DRC11: variants seen among roughly 807,000 people sequenced by gnomAD.
DRC11 encodes the protein IQ and AAA domain-containing protein 1.
At chr2:236,460,516 T>C in the DRC11 span, among the ~76,000 whole-genome samples, 1 of 152,206 alleles carries the variant, frequency 6.6e-6, no homozygotes, top group Non-Finnish European at 1.5e-5. This position sits in a 1 kb window ranked among gnomAD's most constrained non-coding sequence, Gnocchi z 4.0. Context: ...TTGATGTTTC[T>C]AAAATCAGGG....
chr2:236,345,013 AGCCCTGGTTGT>A, the DRC11 span, among the ~76,000 whole-genome samples: 1 of 147,188 alleles, frequency 6.8e-6, no homozygotes, highest in Non-Finnish European at 1.5e-5. Flanking sequence ...GGGTGTGCAG[AGCCCTGGTTGT>A]AAATGTGCTT....
the DRC11 span, among the ~76,000 whole-genome samples, chr2:236,406,838 C>T: frequency 3.2e-4 from 48 of 152,066 alleles, no homozygotes; most frequent in Middle Eastern, 3.4e-3. This position sits in a 1 kb window ranked among gnomAD's most constrained non-coding sequence, Gnocchi z 4.7. Context: ...CTCTGCCTCC[C>T]GGGTTCATGC....
the DRC11 span, among the ~76,000 whole-genome samples, chr2:236,351,064 A>G: frequency 3.3e-5 from 5 of 152,206 alleles, no homozygotes; most frequent in Non-Finnish European, 5.9e-5. This position sits in a 1 kb window ranked among gnomAD's most constrained non-coding sequence, Gnocchi z 7.3. Context: ...GAAGAAAGGC[A>G]GGTTTTGCTA....
chr2:236,447,464 C>T, the DRC11 span, among the ~76,000 whole-genome samples: 2 of 151,746 alleles, frequency 1.3e-5, no homozygotes, highest in South Asian at 2.1e-4. The surrounding 1 kb of genome is among the most constrained non-coding windows in gnomAD (Gnocchi z 4.6). Context: ...TCCTTATCTC[C>T]TCCATGACAG....
chr2:236,332,178 A>G, the DRC11 span: 3 of 154,404 alleles, frequency 1.9e-5, no homozygotes, highest in South Asian at 2.0e-4. This position sits in a 1 kb window ranked among gnomAD's most constrained non-coding sequence, Gnocchi z 5.1. Flanking sequence ...CAGCAACTGT[A>G]AACACGCATT....
the DRC11 span, among the ~76,000 whole-genome samples, chr2:236,438,246 T>A: frequency 1.5e-5 from 2 of 137,400 alleles, no homozygotes; most frequent in Non-Finnish European, 3.2e-5. Context: ...AAAGATCAGA[T>A]AGTTGTAGAT....
the DRC11 span, among the ~76,000 whole-genome samples, chr2:236,362,829 G>C: frequency 6.6e-6 from 1 of 152,200 alleles, no homozygotes. This position sits in a 1 kb window ranked among gnomAD's most constrained non-coding sequence, Gnocchi z 5.7. Flanking sequence ...AAGCATGAGA[G>C]AAAAGGAGAG....
At chr2:236,493,933 A>G in the DRC11 span, 4 of 1,514,632 alleles carry the variant, frequency 2.6e-6, no homozygotes, top group South Asian at 1.3e-5. Flanking sequence ...TCACAATGCC[A>G]GGACTAGAAC....
the DRC11 span, among the ~76,000 whole-genome samples, chr2:236,484,895 T>C: frequency 6.6e-6 from 1 of 152,234 alleles, no homozygotes; most frequent in Non-Finnish European, 1.5e-5. Context: ...CTTCCCGACC[T>C]GCGTCGTGAT....
chr2:236,358,439 A>G, the DRC11 span, among the ~76,000 whole-genome samples: 532 of 136,496 alleles, frequency 3.9e-3, 11 homozygotes, highest in African/African-American at 0.014. Context: ...TATCATATAT[A>G]AATATACATA....
the DRC11 span, among the ~76,000 whole-genome samples, chr2:236,385,723 C>T: frequency 5.6e-4 from 4 of 7,142 alleles, no homozygotes; most frequent in Non-Finnish European, 1.1e-3. Context: ...TGAGAGAGGG[C>T]ATCCCTGTCT....
the DRC11 span, among the ~76,000 whole-genome samples, chr2:236,319,519 G>A: frequency 1.3e-5 from 2 of 152,134 alleles, no homozygotes; most frequent in East Asian, 1.9e-4. This position sits in a 1 kb window ranked among gnomAD's most constrained non-coding sequence, Gnocchi z 6.7. Flanking sequence ...TGTTTGCCAC[G>A]TTGAGGAACT....
the DRC11 span, among the ~76,000 whole-genome samples, chr2:236,329,965 A>G: frequency 9.8e-5 from 15 of 152,358 alleles, no homozygotes; most frequent in South Asian, 3.1e-3. Flanking sequence ...TCGGAAAGTT[A>G]AAGGCTCAGC....
At chr2:236,318,484 T>C in the DRC11 span, among the ~76,000 whole-genome samples, 1 of 152,240 alleles carries the variant, frequency 6.6e-6, no homozygotes, top group African/African-American at 2.4e-5. This position sits in a 1 kb window ranked among gnomAD's most constrained non-coding sequence, Gnocchi z 7.0. Context: ...GTGTGGGATG[T>C]ATGTATGCAT....
At chr2:236,401,868 T>G in the DRC11 span, among the ~76,000 whole-genome samples, 1 of 152,324 alleles carries the variant, frequency 6.6e-6, no homozygotes, top group South Asian at 2.1e-4. This position sits in a 1 kb window ranked among gnomAD's most constrained non-coding sequence, Gnocchi z 4.6. Context: ...TCGTGATTTT[T>G]GCCAGATCTG....
At chr2:236,376,229 C>G in the DRC11 span, among the ~76,000 whole-genome samples, 3 of 152,316 alleles carry the variant, frequency 2.0e-5, no homozygotes, top group Middle Eastern at 3.4e-3. This position sits in a 1 kb window ranked among gnomAD's most constrained non-coding sequence, Gnocchi z 5.7. Flanking sequence ...AGTCTGTGCA[C>G]AGCTCAGACT....
At chr2:236,312,379 G>A in the DRC11 span, among the ~76,000 whole-genome samples, 2 of 152,284 alleles carry the variant, frequency 1.3e-5, no homozygotes, top group South Asian at 2.1e-4. Context: ...AATTGCAAAT[G>A]TAGTGTGTAT....
At chr2:236,413,993 A>G in the DRC11 span, among the ~76,000 whole-genome samples, 1 of 152,236 alleles carries the variant, frequency 6.6e-6, no homozygotes, top group Non-Finnish European at 1.5e-5. This position sits in a 1 kb window ranked among gnomAD's most constrained non-coding sequence, Gnocchi z 4.0. Flanking sequence ...TCCTCCTGGC[A>G]CTAGCATTGT....
At chr2:236,424,001 T>C in the DRC11 span, among the ~76,000 whole-genome samples, 6 of 131,150 alleles carry the variant, frequency 4.6e-5, no homozygotes, top group Non-Finnish European at 9.2e-5. Flanking sequence ...AATTGAACAA[T>C]GAGAACACAT....
Sources: gnomAD v4.1 joint callset for allele counts (sites outside exome capture counted in the v4.1 genomes callset) on GRCh38, gnomAD v4.1.1 for gene constraint, Gnocchi (gnomAD v3.1) non-coding constraint, MANE v1.5 for transcripts, NCBI Gene and HGNC (gene_info 2026-07-23, HGNC 2026-07-21) for gene names.